The following COQ8B variants were observed in gnomAD, a reference collection of about 807,000 sequenced individuals.
COQ8B encodes atypical kinase COQ8B, mitochondrial.
In COQ8B, 44 loss-of-function variants were observed where a neutral mutation model predicts 62.0. The ratio of observed to expected loss-of-function variants is 0.71; its 90% CI spans 0.56 to 0.91. The LOEUF (loss-of-function observed/expected upper bound fraction) is 0.91. COQ8B is among the 40% of genes least tolerant of loss of function. The pLI is 0.00. For synonymous variants in COQ8B, 252 were observed against 289.9 expected (o/e 0.87, Z 1.33); for missense variants, 649 against 731.6 (o/e 0.89, Z 1.30).
intron 12 of COQ8B, 65 bp from the exon 13 acceptor site, chr19:40,696,119 C>G (rs1269803052): frequency 1.3e-6 from 2 of 1,548,278 alleles, no homozygotes; most frequent in Non-Finnish European, 1.8e-6. Flanking sequence ...TCTATTGGGG[C>G]AGCCAGGATC....
At chr19:40,706,588 T>G (rs1429639090) in intron 5 of COQ8B, among the ~76,000 whole-genome samples, 1 of 152,176 alleles carries the variant, frequency 6.6e-6, no homozygotes, top group African/African-American at 2.4e-5. Context: ...ACCTCCTGAG[T>G]AGCTGGGACT....
chr19:40,706,737 G>A (rs536525298), intron 5 of COQ8B, among the ~76,000 whole-genome samples: 21 of 152,292 alleles, frequency 1.4e-4, no homozygotes, highest in Non-Finnish European at 2.9e-5. Context: ...TGGGATTACA[G>A]GCGTAAGCCA....
chr19:40,710,652 C>A (rs1254222790), intron 4 of COQ8B, among the ~76,000 whole-genome samples: 1 of 152,174 alleles, frequency 6.6e-6, no homozygotes, highest in African/African-American at 2.4e-5. Flanking sequence ...TTAACCCTTT[C>A]TCCATGTCTC....
At chr19:40,712,439 A>G (rs1358998640) in intron 4 of COQ8B, among the ~76,000 whole-genome samples, 1 of 151,552 alleles carries the variant, frequency 6.6e-6, no homozygotes, top group African/African-American at 2.4e-5. Context: ...ACAACAAAAA[A>G]TAGTTGGACG....
intron 9 of COQ8B, 192 bp downstream of exon 9, chr19:40,703,349 C>T: frequency 1.6e-6 from 1 of 606,736 alleles, no homozygotes; most frequent in Non-Finnish European, 2.9e-6. Flanking sequence ...CTGTTAAAAT[C>T]CATAAGGCTT....
chr19:40,697,841 T>TAGAGAGAGAGAGAGAG (rs1317449334), intron 12 of COQ8B, among the ~76,000 whole-genome samples: 2 of 46,928 alleles, frequency 4.3e-5, no homozygotes, highest in African/African-American at 2.1e-4. Flanking sequence ...TATATATATA[T>TAGAGAGAGAGAGAGAG]ATATATATAT....
chr19:40,709,054 T>G (rs1022835644), intron 5 of COQ8B, among the ~76,000 whole-genome samples: 7 of 152,208 alleles, frequency 4.6e-5, no homozygotes, highest in Non-Finnish European at 7.3e-5. Flanking sequence ...GTCTGCTTTA[T>G]CTGTGCGTGT....
intron 9 of COQ8B, 36 bp downstream of exon 9, chr19:40,703,505 T>G: frequency 1.9e-6 from 3 of 1,564,036 alleles, no homozygotes; most frequent in Non-Finnish European, 2.6e-6. Context: ...CATAGCCCCT[T>G]TGGGAGGTCA....
At chr19:40,713,895 T>A (rs2082163230) in intron 4 of COQ8B, among the ~76,000 whole-genome samples, 172 bp downstream of exon 4, 1 of 151,878 alleles carries the variant, frequency 6.6e-6, no homozygotes, top group African/African-American at 2.4e-5. Flanking sequence ...AAAAAAAAAT[T>A]ATCATTTATG....
chr19:40,705,986 A>C (rs1017771325), intron 5 of COQ8B, among the ~76,000 whole-genome samples: 10 of 152,138 alleles, frequency 6.6e-5, no homozygotes, highest in African/African-American at 1.9e-4. Flanking sequence ...AGTTAAAACA[A>C]ATTGCAGGAG....
At chr19:40,714,868 G>A in intron 1 of COQ8B, 12 of 1,315,926 alleles carry the variant, frequency 9.1e-6, no homozygotes, top group Non-Finnish European at 1.2e-5. Context: ...GCCGTTGCTA[G>A]GGTCCGCCCC....
chr19:40,705,200 C>A lies in COQ8B; in HGVS notation c.491-19G>T. 6.2e-7 allele frequency: 1 copy of A among 1,612,294 alleles called. No individual in the cohort carries two copies. Among genetic ancestry groups the A allele is most frequent in the South Asian group, 1.1e-5 (1 of 90,848 alleles). On this transcript the variant is annotated intron_variant, in intron 6 of 14. Transcript: ENST00000324464. ...CTGTTGTCTTGGGAGACAGTGGAAC[C>A]AGGGGGGAAGTAAGCGAAGAGGTGA...
At chr19:40,714,869 G>A in intron 1 of COQ8B, 2 of 1,312,198 alleles carry the variant, frequency 1.5e-6, no homozygotes, top group South Asian at 4.1e-5. Context: ...CCGTTGCTAG[G>A]GTCCGCCCCC....
chr19:40,715,514 G>T (rs1263948436), intron 1 of COQ8B: 1 of 985,334 alleles, frequency 1.0e-6, no homozygotes, highest in East Asian at 1.1e-4. Context: ...CTTGCACATG[G>T]AGCCCCTCCA....
At chr19:40,709,027 T>C (rs74746550) in intron 5 of COQ8B, among the ~76,000 whole-genome samples, 10,558 of 152,182 alleles carry the variant, frequency 0.069, 451 homozygotes, top group East Asian at 0.18. Context: ...CGATTCAACA[T>C]GGTACCATTC....
chr19:40,716,868 G>C lies in COQ8B; in HGVS notation c.-285C>G, dbSNP rs527564529. The C allele has an allele frequency of 1.7e-5, 4 of 230,956 alleles. No individual in the cohort carries two copies. Among genetic ancestry groups the C allele is most frequent in the Middle Eastern group, 2.6e-3 (2 of 756 alleles). The allele number at this position is 230,956 out of a possible 1,614,324, so 14.3% of individuals were successfully genotyped here. On this transcript the variant is annotated 5_prime_UTR_variant, in exon 1 of 15. Coordinates refer to ENST00000324464, the MANE Select transcript of COQ8B (RefSeq NM_024876.4). ...CGGTGCCCTAGATGCATACCTGGCCGCGCTTCGGATGCTCAGAGGCAAACC... is the reference window on the plus strand; with the variant it reads ...CGGTGCCCTAGATGCATACCTGGCCCCGCTTCGGATGCTCAGAGGCAAACC...
intron 13 of COQ8B, among the ~76,000 whole-genome samples, chr19:40,694,727 T>A (rs927514885): frequency 5.3e-5 from 8 of 152,210 alleles, no homozygotes; most frequent in African/African-American, 1.9e-4. Flanking sequence ...TTGGCACATG[T>A]TGTCTATCTG....
At chr19:40,711,281 G>A (rs986975584) in intron 4 of COQ8B, among the ~76,000 whole-genome samples, 4 of 151,998 alleles carry the variant, frequency 2.6e-5, no homozygotes, top group African/African-American at 9.7e-5. Flanking sequence ...GCCCAGGCTG[G>A]AGTGCAATGG....
chr19:40,712,888 A>T (rs1284299405), intron 4 of COQ8B, among the ~76,000 whole-genome samples: 3 of 152,230 alleles, frequency 2.0e-5, no homozygotes, highest in Non-Finnish European at 4.4e-5. Context: ...GCATGTGTGT[A>T]TATGGGACAC....
Sources: gnomAD v4.1 joint callset for allele counts (sites outside exome capture counted in the v4.1 genomes callset) on GRCh38, gnomAD v4.1.1 for gene constraint, MANE v1.5 for transcripts, NCBI Gene and HGNC (gene_info 2026-07-23, HGNC 2026-07-21) for gene names.